Variants in LDLRAP1 observed in about 807,000 individuals in gnomAD.
LDLRAP1 encodes low density lipoprotein receptor adapter protein 1.
A neutral mutation model predicts 37.8 loss-of-function variants in LDLRAP1; 30 were observed. That is an observed-to-expected ratio of 0.79 (90% CI 0.59 to 1.08). LDLRAP1 has a LOEUF of 1.08. Ranked by LOEUF, LDLRAP1 falls within the 50% of genes least tolerant of loss-of-function variation. The pLI, the probability that LDLRAP1 is intolerant of heterozygous loss-of-function variation, is 0.00. For missense variants in LDLRAP1, 375 were observed against 401.6 expected (o/e 0.93, Z 0.57); for synonymous variants, 156 against 169.8 (o/e 0.92, Z 0.63).
chr1:25,558,871 C>G (rs2044275465), intron 4 of LDLRAP1, among the ~76,000 whole-genome samples: 1 of 152,174 alleles, frequency 6.6e-6, no homozygotes, highest in Non-Finnish European at 1.5e-5. Context: ...ATTCAGCCCA[C>G]CACAGGTGTC....
chr1:25,589,041 C>T, the LDLRAP1 span, among the ~76,000 whole-genome samples: 5 of 152,264 alleles, frequency 3.3e-5, no homozygotes, highest in South Asian at 2.1e-4. Flanking sequence ...TGGTGGCTTA[C>T]GCCTGTAATC....
rs191917952 is a variant in LDLRAP1 at position 25,547,221 on chromosome 1, G to A, written c.88+3435G>A. ...TTACCAGCAGGGCGCGGTGGCTCATGCCTGTAATCCCAGCACTTTGGGAGA... is the reference window on the plus strand; with the variant it reads ...TTACCAGCAGGGCGCGGTGGCTCATACCTGTAATCCCAGCACTTTGGGAGA... On this transcript the variant is annotated intron_variant, in intron 1 of 8. Coordinates refer to ENST00000374338, the MANE Select transcript of LDLRAP1 (RefSeq NM_015627.3). Among the ~76,000 whole-genome samples, 18 of 152,202 alleles carry A rather than the reference G, an allele frequency of 1.2e-4. No individual in the cohort carries two copies. The East Asian group carries it at 3.5e-3, about 29-fold the overall frequency.
intron 1 of LDLRAP1, among the ~76,000 whole-genome samples, chr1:25,547,322 A>C (rs2043958266): frequency 6.6e-6 from 1 of 151,976 alleles, no homozygotes; most frequent in South Asian, 2.1e-4. Context: ...ATCTCTACTT[A>C]AAATATAAAA....
At chr1:25,561,602 T>C (rs1236641667) in intron 4 of LDLRAP1, among the ~76,000 whole-genome samples, 1 of 152,128 alleles carries the variant, frequency 6.6e-6, no homozygotes, top group Middle Eastern at 3.2e-3. Flanking sequence ...GCTAGATGTT[T>C]CCGGCTATAG....
chr1:25,580,984 T>C, the LDLRAP1 span, among the ~76,000 whole-genome samples: 1 of 152,118 alleles, frequency 6.6e-6, no homozygotes, highest in Non-Finnish European at 1.5e-5. Context: ...TTTCCCTAAA[T>C]TGAGGCCAGC....
At chr1:25,586,579 TGCGC>T in the LDLRAP1 span, among the ~76,000 whole-genome samples, 1 of 147,478 alleles carries the variant, frequency 6.8e-6, no homozygotes, top group Admixed American at 6.9e-5. The surrounding 1 kb of genome is among the most constrained non-coding windows in gnomAD (Gnocchi z 4.3). Context: ...TGTGTGCGTG[TGCGC>T]GCGTGTGTGT....
the LDLRAP1 span, among the ~76,000 whole-genome samples, chr1:25,580,884 C>T: frequency 6.6e-6 from 1 of 152,148 alleles, no homozygotes; most frequent in African/African-American, 2.4e-5. Flanking sequence ...TGAGTTTCTT[C>T]ATCAGTAGTA....
At chr1:25,552,800 C>T (rs1464480408) in intron 1 of LDLRAP1, among the ~76,000 whole-genome samples, 1 of 152,210 alleles carries the variant, frequency 6.6e-6, no homozygotes, top group Non-Finnish European at 1.5e-5. Flanking sequence ...ACGTGTCCCT[C>T]CTGGTCCATT....
At chr1:25,556,285 C>G (rs769216407) in intron 3 of LDLRAP1, among the ~76,000 whole-genome samples, 2 of 152,044 alleles carry the variant, frequency 1.3e-5, no homozygotes, top group Non-Finnish European at 2.9e-5. Flanking sequence ...CTGGAGGCAA[C>G]GAGGAGGGAC....
the LDLRAP1 span, among the ~76,000 whole-genome samples, chr1:25,588,247 C>G: frequency 6.6e-6 from 1 of 152,104 alleles, no homozygotes; most frequent in African/African-American, 2.4e-5. Context: ...AAGACCTGAC[C>G]GTCCCCCGGC....
the LDLRAP1 span, among the ~76,000 whole-genome samples, chr1:25,580,239 A>T: frequency 6.6e-6 from 1 of 152,168 alleles, no homozygotes; most frequent in African/African-American, 2.4e-5. Context: ...CAGCTTCTGC[A>T]TGGGAAGACA....
At position 25,555,081 on chromosome 1, in the gene LDLRAP1, C is replaced by G; in HGVS notation, c.344+109C>G. On this transcript the variant is annotated intron_variant, in intron 3 of 8. Transcript: ENST00000374338. The surrounding 1 kb of genome is among the most constrained non-coding windows in gnomAD (Gnocchi z 4.7). The stretch of plus-strand genomic sequence containing the variant: ...CTTCCTACCTGGGTGACATTGGAGC[C>G]TCAGTTTCCTCATCTGTAAAATGGG... 1 of 799,076 alleles carries G rather than the reference C, an allele frequency of 1.3e-6. No individual in the cohort carries two copies. The highest frequency in any genetic ancestry group is 2.2e-6 in the Non-Finnish European group (1 of 458,734). 49.5% of individuals were successfully genotyped at this position (799,076 alleles called of 1,614,324 possible). A position where few individuals can be genotyped will look rare whatever the true frequency, so the allele number is the denominator to read the frequency against.
intron 8 of LDLRAP1, among the ~76,000 whole-genome samples, chr1:25,565,596 C>G (rs2044458429): frequency 6.6e-6 from 1 of 150,436 alleles, no homozygotes; most frequent in African/African-American, 2.5e-5. Context: ...TGTTTATGAA[C>G]AGGGGAAGGG....
At position 25,563,508 on chromosome 1, in the gene LDLRAP1, C is replaced by T. The variant is rs2044397073; in HGVS notation, c.617-153C>T. ...GGTTCTCACTCTGTGGGCAGCTGCG[C>T]ATCTGCTGTGGGGAGGTGCCAGGGC... On this transcript the variant is annotated intron_variant, in intron 6 of 8. Transcript: ENST00000374338. 1.2e-5 allele frequency: 11 copies of T among 946,768 alleles called. No individual in the cohort carries two copies. In the Admixed American group the frequency reaches 2.0e-4, roughly 17 times the overall value. The allele number at this position is 946,768 out of a possible 1,614,324, so 58.6% of individuals were successfully genotyped here.
chr1:25,587,014 GCC>G, the LDLRAP1 span, among the ~76,000 whole-genome samples: 1 of 152,120 alleles, frequency 6.6e-6, no homozygotes, highest in Admixed American at 6.6e-5. Flanking sequence ...CTAAAACTGA[GCC>G]CTCGTCTTTT....
At chr1:25,571,378 G>C (rs2044603191), downstream of LDLRAP1, among the ~76,000 whole-genome samples, 1 of 152,252 alleles carries the variant, frequency 6.6e-6, no homozygotes, top group African/African-American at 2.4e-5. Context: ...GCACTGCTCA[G>C]CCTGCCAGTG....
At chr1:25,584,902 G>A in the LDLRAP1 span, among the ~76,000 whole-genome samples, 1 of 152,170 alleles carries the variant, frequency 6.6e-6, no homozygotes, top group Non-Finnish European at 1.5e-5. Context: ...TATAACCCCA[G>A]CCTCATGTTA....
chr1:25,566,225 C>T (rs1287143482), intron 8 of LDLRAP1, among the ~76,000 whole-genome samples: 1 of 152,156 alleles, frequency 6.6e-6, no homozygotes, highest in Non-Finnish European at 1.5e-5. Flanking sequence ...TCATGCTAAT[C>T]CTATACATAT....
At chr1:25,553,641 C>G in intron 1 of LDLRAP1, 1 of 437,228 alleles carries the variant, frequency 2.3e-6, no homozygotes, top group South Asian at 2.2e-5. Flanking sequence ...CACTTGGGGT[C>G]AGGAGTTCGA....
Sources: allele counts gnomAD v4.1 joint callset (sites outside exome capture counted in the v4.1 genomes callset), GRCh38; gene constraint gnomAD v4.1.1; non-coding constraint Gnocchi (gnomAD v3.1); transcripts MANE v1.5; gene names NCBI Gene and HGNC (gene_info 2026-07-23, HGNC 2026-07-21).